The following SDK1 variants were observed in gnomAD, a reference collection of about 807,000 sequenced individuals.
SDK1 encodes the protein protein sidekick-1.
In SDK1, 157 loss-of-function variants were observed where a neutral mutation model predicts 245.5. That is an observed-to-expected ratio of 0.64 (90% confidence interval 0.56 to 0.73). The LOEUF is 0.73. Among genes scored for constraint, SDK1 ranks in the 30% least tolerant of loss-of-function variants. The pLI, the probability that SDK1 is intolerant of heterozygous loss-of-function variation, is 0.00. For missense variants in SDK1, 3,583 were observed against 3,002.3 expected (o/e 1.19, Z -4.52); for synonymous variants, 1,647 against 1,278.5 (o/e 1.29, Z -6.15).
At chr7:4,184,405 G>C (rs1330001360) in intron 35 of SDK1, among the ~76,000 whole-genome samples, 2 of 152,150 alleles carry the variant, frequency 1.3e-5, no homozygotes, top group African/African-American at 4.8e-5. Context: ...TGAGTGAGGA[G>C]ACTCAGGTAC....
rs1583841153 is a variant in SDK1, at chr7:4,017,545, G to A, written c.2602+193G>A. Among the ~76,000 whole-genome samples the A allele has an allele frequency of 6.6e-5, 10 of 152,312 alleles. 2 individuals are homozygous for A. In the South Asian group the frequency reaches 2.1e-3, roughly 32 times the overall value. ...AATGAAAACAGAACCGTAGACAGGA[G>A]ACAAATAATATTCCAACTGCTTTTT... On this transcript the variant is annotated intron_variant, in intron 17 of 44. Coordinates refer to ENST00000404826, the MANE Select transcript of SDK1 (RefSeq NM_152744.4).
chr7:3,937,240 C>G (rs1214669957), intron 5 of SDK1, among the ~76,000 whole-genome samples: 2 of 152,156 alleles, frequency 1.3e-5, no homozygotes, highest in African/African-American at 4.8e-5. Context: ...TTTATGAGGC[C>G]CCTATGACAT....
chr7:3,577,070 G>C (rs1247654710), intron 1 of SDK1, among the ~76,000 whole-genome samples: 2 of 151,916 alleles, frequency 1.3e-5, no homozygotes, highest in Non-Finnish European at 2.9e-5. Context: ...TGCAAAGAGA[G>C]GACAGCACAC....
At chr7:4,193,526 A>G (rs1584413678) in intron 35 of SDK1, among the ~76,000 whole-genome samples, 1 of 151,862 alleles carries the variant, frequency 6.6e-6, no homozygotes, top group African/African-American at 2.4e-5. Flanking sequence ...TTACAAGCTC[A>G]GTGTCCCCAG....
At chr7:4,245,933 A>G (rs1231322965) in intron 44 of SDK1, 128 bp downstream of exon 44, 11 of 1,151,528 alleles carry the variant, frequency 9.6e-6, no homozygotes, top group East Asian at 7.7e-5. Context: ...GCCAAGGACA[A>G]AGGGCTTCAT....
chr7:3,879,655 T>C (rs1781159015), intron 5 of SDK1, among the ~76,000 whole-genome samples: 1 of 152,226 alleles, frequency 6.6e-6, no homozygotes, highest in Non-Finnish European at 1.5e-5. Flanking sequence ...ATCTTGTTGT[T>C]CAGTCAATAG....
intron 4 of SDK1, among the ~76,000 whole-genome samples, chr7:3,650,013 T>TG (rs1491424862): frequency 1.3e-5 from 1 of 74,578 alleles, no homozygotes; most frequent in Non-Finnish European, 4.1e-5. Flanking sequence ...TTTTTTGTTT[T>TG]GAAAAAAAAA....
Position 4,245,089 on chromosome 7 carries a change from C to T in SDK1, c.6252-587C>T, listed in dbSNP as rs574932359. On this transcript the variant is annotated intron_variant, in intron 43 of 44. Coordinates refer to ENST00000404826, the MANE Select transcript of SDK1 (RefSeq NM_152744.4). ...TGCCATGTTCCACTGGTTAGAAGCACGTCACAGGCCCTTCCCACATTCAAA... is the reference window on the plus strand; with the variant it reads ...TGCCATGTTCCACTGGTTAGAAGCATGTCACAGGCCCTTCCCACATTCAAA... 5.9e-5 allele frequency among the ~76,000 whole-genome samples: 9 copies of T among 152,258 alleles called. No homozygotes were observed. In the South Asian group the frequency reaches 8.3e-4, roughly 14 times the overall value.
chr7:3,735,636 A>G (rs889185448), intron 4 of SDK1, among the ~76,000 whole-genome samples: 1 of 152,216 alleles, frequency 6.6e-6, no homozygotes, highest in African/African-American at 2.4e-5. Context: ...TGGGTGTACA[A>G]GTATCTCTTC....
intron 44 of SDK1, among the ~76,000 whole-genome samples, chr7:4,262,347 A>C (rs929614038): frequency 4.0e-5 from 6 of 151,882 alleles, no homozygotes; most frequent in Non-Finnish European, 8.8e-5. Context: ...CGGTCCTTCC[A>C]ATGACTTCAC....
rs531019325 is a variant in SDK1, at chr7:3,420,771, C to T, written c.298+118887C>T. On this transcript the variant is annotated intron_variant, in intron 1 of 44. Transcript: ENST00000404826. ...ATTTTTTAAAATTTAATTTTAAGTT[C>T]CAGGATACATGGGCAGGGTGTGCAG... Among the ~76,000 whole-genome samples, 16 of 152,192 alleles carry T rather than the reference C, an allele frequency of 1.1e-4. No homozygotes were observed. The South Asian group carries it at 2.3e-3, about 22-fold the overall frequency.
intron 35 of SDK1, among the ~76,000 whole-genome samples, chr7:4,204,232 CTTTA>C (rs1480998865): frequency 6.6e-6 from 1 of 152,230 alleles, no homozygotes; most frequent in South Asian, 2.1e-4. Context: ...AAGACATTAA[CTTTA>C]TTTATGTTTT....
chr7:3,829,957 A>C (rs1562475653), intron 5 of SDK1, among the ~76,000 whole-genome samples: 1 of 152,124 alleles, frequency 6.6e-6, no homozygotes, highest in African/African-American at 2.4e-5. Flanking sequence ...AGTGCTTACT[A>C]ATGGAGCATC....
At chr7:3,627,955 G>T (rs112727337) in intron 2 of SDK1, among the ~76,000 whole-genome samples, 1 of 152,212 alleles carries the variant, frequency 6.6e-6, no homozygotes, top group South Asian at 2.1e-4. Flanking sequence ...TACTGCCCAA[G>T]TGTCTCTTTA....
intron 44 of SDK1, among the ~76,000 whole-genome samples, chr7:4,248,398 CAT>C (rs1787050997): frequency 6.6e-6 from 1 of 151,774 alleles, no homozygotes; most frequent in Non-Finnish European, 1.5e-5. Context: ...CATATGCACA[CAT>C]ATGTACACAT....
In SDK1 at chr7:3,974,510, A is replaced by G. The variant is rs1162667714; in HGVS notation, c.1959A>G (p.Gly653=). 1 of 1,614,132 alleles carries G rather than the reference A, an allele frequency of 6.2e-7. No homozygotes were observed. The highest frequency in any genetic ancestry group is 2.2e-5 in the East Asian group (1 of 44,876). ...ACAGCTGCGAGATTGTTTCTGAAGG[A>G]GGGAATGACTCCAGGATGGCCCGGC... ...GDYSCEIVSE[G]GNDSRMARLE... The change falls in exon 13 of 45, where the codon GGA becomes GGG. Residue 653 remains glycine (G), a synonymous_variant. Transcript: ENST00000404826.
chr7:3,370,373 G>C (rs1781192015), intron 1 of SDK1, among the ~76,000 whole-genome samples: 1 of 152,184 alleles, frequency 6.6e-6, no homozygotes, highest in Non-Finnish European at 1.5e-5. Flanking sequence ...ATTGCAGTCA[G>C]TTGTTCTTTA....
rs1421693528 is a variant in SDK1 at position 3,723,678 on chromosome 7, G to GTA, written c.713+81576_713+81577dup. Among the ~76,000 whole-genome samples, 3 of 150,276 alleles carry GTA rather than the reference G, an allele frequency of 2.0e-5. No homozygotes were observed. The East Asian group carries it at 5.9e-4, about 30-fold the overall frequency. ...AAAAGTTGTGTGTGTGTGTGTGTGT[G>GTA]TATACGTGTATATACACGTACATAT... On this transcript the variant is annotated intron_variant, in intron 4 of 44. Transcript: ENST00000404826.
intron 44 of SDK1, among the ~76,000 whole-genome samples, chr7:4,247,115 C>T (rs181430149): frequency 6.6e-6 from 1 of 152,294 alleles, no homozygotes; most frequent in Admixed American, 6.5e-5. Flanking sequence ...CATAGGCCTG[C>T]CCCGCCTCCT....
Sources: allele counts gnomAD v4.1 joint callset (sites outside exome capture counted in the v4.1 genomes callset), GRCh38; gene constraint gnomAD v4.1.1; transcripts MANE v1.5; gene names NCBI Gene and HGNC (gene_info 2026-07-23, HGNC 2026-07-21).